ALG1L2: variants seen among roughly 807,000 people sequenced by gnomAD.
ALG1L2 encodes putative glycosyltransferase ALG1L2.
Under a neutral mutation model 29.0 loss-of-function variants are expected in ALG1L2, and 32 were observed. The observed-to-expected ratio is 1.10, with a 90% CI of 0.83 to 1.48. ALG1L2 has a LOEUF of 1.48. Among genes scored for constraint, ALG1L2 ranks in the 40% most tolerant of loss-of-function variants. The pLI is 0.00. For synonymous variants in ALG1L2, 110 were observed against 109.5 expected, an observed-to-expected ratio of 1.00 and a Z score of -0.03; for missense variants, 318 against 274.1, an observed-to-expected ratio of 1.16 and a Z score of -1.13.
intron 7 of ALG1L2, 29 bp downstream of exon 7, chr3:130,097,279 G>C: frequency 6.2e-7 from 1 of 1,602,218 alleles, no homozygotes; most frequent in Non-Finnish European, 8.5e-7. Context: ...ACGCCAGGGT[G>C]GACAGGGTTC....
At position 130,098,247 on chromosome 3, in the gene ALG1L2, C is replaced by A; in HGVS notation, c.640C>A (p.Leu214Ile). Reference protein sequence around the residue: ...LQYFADAFLKLS With the variant: ...LQYFADAFLKIS ...GTATTTTGCAGATGCTTTTCTCAAA[C>A]TTTCCTGATCCTGAAGGCAAGCTAA... The change falls in exon 8 of 8, where the codon CTT (leucine) becomes ATT (isoleucine). Residue 214 changes from leucine to isoleucine, a missense_variant. Coordinates refer to ENST00000425059, the MANE Select transcript of ALG1L2 (RefSeq NM_001136152.1). The A allele has an allele frequency of 7.5e-6, 12 of 1,596,464 alleles. No homozygotes were observed. The highest frequency in any genetic ancestry group is 3.3e-5 in the South Asian group (3 of 90,994).
intron 1 of ALG1L2, chr3:130,090,922 C>T (rs540040116): frequency 3.3e-6 from 1 of 301,304 alleles, no homozygotes; most frequent in Non-Finnish European, 6.4e-6. Context: ...GAGCAACAGA[C>T]TAAGACATTC....
intron 6 of ALG1L2, 55 bp from the exon 7 acceptor site, chr3:130,097,120 A>G: frequency 6.2e-7 from 1 of 1,603,300 alleles, no homozygotes; most frequent in Admixed American, 1.7e-5. Flanking sequence ...TGGGCACCCC[A>G]GGGGTCTAGT....
chr3:130,085,113 T>C (rs1183701275), intron 1 of ALG1L2, among the ~76,000 whole-genome samples: 1 of 127,884 alleles, frequency 7.8e-6, no homozygotes, highest in Non-Finnish European at 1.8e-5. Context: ...TGCCCACCAC[T>C]GTGCCCAACT....
At chr3:130,097,892 G>A (rs1017191543) in intron 7 of ALG1L2, among the ~76,000 whole-genome samples, 1 of 152,224 alleles carries the variant, frequency 6.6e-6, no homozygotes, top group African/African-American at 2.4e-5. Flanking sequence ...AGTTTAGCAA[G>A]GCTGAAAAGA....
At chr3:130,085,037 T>C (rs374239656) in intron 1 of ALG1L2, among the ~76,000 whole-genome samples, 13,150 of 66,188 alleles carry the variant, frequency 0.2, 105 homozygotes, top group Middle Eastern at 0.29. Flanking sequence ...TGGCTCACTG[T>C]CACTTCCGCC....
Position 130,096,092 on chromosome 3 carries a change from C to G in ALG1L2, c.468C>G (p.Gly156=), listed in dbSNP as rs563001346. The G allele has an allele frequency of 5.4e-6, 1 of 184,690 alleles. No individual in the cohort carries two copies. Among genetic ancestry groups the G allele is most frequent in the Non-Finnish European group, 1.1e-5 (1 of 90,882 alleles). The allele number at this position is 184,690 out of a possible 1,614,324, so 11.4% of individuals were successfully genotyped here. A position where few individuals can be genotyped will look rare whatever the true frequency, so the allele number is the denominator to read the frequency against. The change falls in exon 6 of 8, where the codon GGC becomes GGG. Residue 156 remains glycine (G), a synonymous_variant. Transcript: ENST00000425059. ...LDVCLDTSSS[G]LDLPMKVVDM... is the part of the protein sequence containing the mutation. ...TCTGTCTGGACACGTCCTCCAGTGG[C>G]CTGGACCTGCCCATGAAGGTGGTGG...
chr3:130,084,810 G>T, intron 1 of ALG1L2, among the ~76,000 whole-genome samples: 1 of 129,824 alleles, frequency 7.7e-6, no homozygotes. Flanking sequence ...TGGAGCAGAA[G>T]TCCAGTCTTC....
At chr3:130,092,324 G>A (rs531311041) in intron 3 of ALG1L2, 102 bp downstream of exon 3, 73 of 1,593,094 alleles carry the variant, frequency 4.6e-5, no homozygotes, top group Admixed American at 3.0e-4. Flanking sequence ...ACCCCACCAC[G>A]GTCTCAGTGA....
chr3:130,091,426 TC>T lies in ALG1L2; in HGVS notation c.131+59del. The T allele has an allele frequency of 1.3e-6, 2 of 1,537,390 alleles. 1 individual carries two copies. Among genetic ancestry groups the T allele is most frequent in the South Asian group, 2.3e-5 (2 of 87,376 alleles). Reference sequence around the variant, plus strand: ...TCCTGCTCGCCACTGCCCTGGCCTCTCCCCTTCTCACTGCAGACCTGGGAAC... The same window carrying T: ...TCCTGCTCGCCACTGCCCTGGCCTCTCCCTTCTCACTGCAGACCTGGGAAC... On this transcript the variant is annotated intron_variant, in intron 2 of 7. Coordinates refer to ENST00000425059, the MANE Select transcript of ALG1L2 (RefSeq NM_001136152.1).
intron 3 of ALG1L2, among the ~76,000 whole-genome samples, 171 bp downstream of exon 3, chr3:130,092,393 A>G (rs1201752214): frequency 2.6e-5 from 4 of 151,320 alleles, no homozygotes; most frequent in Middle Eastern, 3.4e-3. Flanking sequence ...CTGACATTCA[A>G]TTCTTCTCAT....
intron 1 of ALG1L2, among the ~76,000 whole-genome samples, chr3:130,087,922 G>A (rs1934926119): frequency 6.6e-6 from 1 of 152,244 alleles, no homozygotes; most frequent in African/African-American, 2.4e-5. Context: ...ATCGGCATGT[G>A]TAAAACACAC....
At chr3:130,090,966 C>A (rs1282286044) in intron 1 of ALG1L2, 1 of 398,168 alleles carries the variant, frequency 2.5e-6, no homozygotes, top group African/African-American at 2.1e-5. Flanking sequence ...CAGTGCAGAG[C>A]CATGTGTGTC....
intron 3 of ALG1L2, 27 bp downstream of exon 3, chr3:130,092,249 G>A (rs1239969254): frequency 6.2e-7 from 1 of 1,602,906 alleles, no homozygotes; most frequent in Non-Finnish European, 8.5e-7. Context: ...GGGCACTTGG[G>A]GTTGGTGTGA....
At chr3:130,088,509 C>G (rs1280359802) in intron 1 of ALG1L2, among the ~76,000 whole-genome samples, 1 of 152,304 alleles carries the variant, frequency 6.6e-6, no homozygotes, top group Non-Finnish European at 1.5e-5. Context: ...CCTCTGCCTC[C>G]TGGATTTAAG....
intron 5 of ALG1L2, 33 bp from the exon 6 acceptor site, chr3:130,096,016 C>G: frequency 6.3e-7 from 1 of 1,584,142 alleles, no homozygotes; most frequent in Non-Finnish European, 8.6e-7. Context: ...GGGCAGAGAC[C>G]AGCGCTCTGG....
At chr3:130,092,475 G>T (rs1451941838) in intron 3 of ALG1L2, among the ~76,000 whole-genome samples, 3 of 152,206 alleles carry the variant, frequency 2.0e-5, no homozygotes, top group Admixed American at 1.3e-4. Context: ...AGGAGCTCTG[G>T]GCTCGTCGGG....
chr3:130,091,172 G>A (rs1421738127), intron 1 of ALG1L2, 89 bp from the exon 2 acceptor site: 18 of 1,246,738 alleles, frequency 1.4e-5, no homozygotes, highest in East Asian at 2.4e-5. Context: ...GATGGGTGAC[G>A]TTGGGCATGG....
intron 6 of ALG1L2, 139 bp downstream of exon 6, chr3:130,096,302 G>A (rs1368292470): frequency 5.3e-6 from 5 of 935,194 alleles, no homozygotes; most frequent in Non-Finnish European, 8.1e-6. Context: ...ACGAGGAGGA[G>A]CCCTGCGGTT....
Sources: allele counts gnomAD v4.1 joint callset (sites outside exome capture counted in the v4.1 genomes callset), GRCh38; gene constraint gnomAD v4.1.1; transcripts MANE v1.5; gene names NCBI Gene and HGNC (gene_info 2026-07-23, HGNC 2026-07-21).